PTAFR: variants seen among roughly 807,000 people sequenced by gnomAD.
PTAFR encodes the protein platelet activating factor receptor.
A neutral mutation model predicts 14.7 loss-of-function variants in PTAFR; 8 were observed. That is an observed-to-expected ratio of 0.54 (90% confidence interval 0.32 to 0.98). The LOEUF (loss-of-function observed/expected upper bound fraction) is 0.98, where lower values mean the gene tolerates loss of function less well. Ranked by LOEUF, PTAFR falls within the 50% of genes least tolerant of loss-of-function variation. The pLI is 0.04. For missense variants in PTAFR, 337 were observed against 451.2 expected (o/e 0.75, Z 2.29); for synonymous variants, 156 against 176.5 (o/e 0.88, Z 0.92).
intron 1 of PTAFR, among the ~76,000 whole-genome samples, chr1:28,185,496 T>C (rs913736791): frequency 6.6e-6 from 1 of 152,166 alleles, no homozygotes; most frequent in Non-Finnish European, 1.5e-5. Context: ...TGGAGGATAA[T>C]GGGGGTGAAA....
chr1:28,181,698 C>T (rs1209433370), intron 1 of PTAFR, among the ~76,000 whole-genome samples: 2 of 151,944 alleles, frequency 1.3e-5, no homozygotes, highest in Non-Finnish European at 2.9e-5. Flanking sequence ...GCCGAGATTG[C>T]ACCATTGCAC....
chr1:28,168,650 A>T (rs1245776326), intron 1 of PTAFR, among the ~76,000 whole-genome samples: 1 of 152,140 alleles, frequency 6.6e-6, no homozygotes, highest in Non-Finnish European at 1.5e-5. Flanking sequence ...AGTTTCAGTC[A>T]TGCAAGATGA....
chr1:28,159,814 G>A (rs1357368573), intron 1 of PTAFR, among the ~76,000 whole-genome samples: 17 of 147,394 alleles, frequency 1.2e-4, no homozygotes, highest in Non-Finnish European at 2.1e-4. Flanking sequence ...CAACGAGAAC[G>A]AAACTCCGTC....
intron 1 of PTAFR, among the ~76,000 whole-genome samples, chr1:28,162,388 CAG>C (rs1324242603): frequency 1.3e-5 from 2 of 152,160 alleles, no homozygotes; most frequent in Non-Finnish European, 2.9e-5. Flanking sequence ...ACTCCCCAGA[CAG>C]AGCAGCTGCC....
chr1:28,175,971 G>A (rs534411038), intron 1 of PTAFR, among the ~76,000 whole-genome samples: 1 of 152,038 alleles, frequency 6.6e-6, no homozygotes, highest in African/African-American at 2.4e-5. Flanking sequence ...GGTCTCTGGG[G>A]TCAGCACTGC....
At chr1:28,172,217 T>C (rs1488901403) in intron 1 of PTAFR, among the ~76,000 whole-genome samples, 3 of 152,202 alleles carry the variant, frequency 2.0e-5, no homozygotes, top group African/African-American at 7.2e-5. Flanking sequence ...GTTTTCACCA[T>C]GCTGGCCAGG....
At chr1:28,183,893 A>G (rs956190999) in intron 1 of PTAFR, among the ~76,000 whole-genome samples, 6 of 151,822 alleles carry the variant, frequency 4.0e-5, no homozygotes. Flanking sequence ...CTCCATCTCA[A>G]AACAAAACAA....
At chr1:28,189,975 T>A (rs1309703430) in intron 1 of PTAFR, among the ~76,000 whole-genome samples, 1 of 148,130 alleles carries the variant, frequency 6.8e-6, no homozygotes, top group Non-Finnish European at 1.5e-5. Context: ...CAAATAACAT[T>A]TATTTTTTTT....
chr1:28,186,318 C>G (rs1303033036), intron 1 of PTAFR, among the ~76,000 whole-genome samples: 5 of 150,590 alleles, frequency 3.3e-5, no homozygotes. Flanking sequence ...AAGGAAATTA[C>G]AAAAGTTATT....
intron 1 of PTAFR, among the ~76,000 whole-genome samples, chr1:28,183,237 A>G (rs1226122565): frequency 2.6e-5 from 4 of 152,164 alleles, no homozygotes; most frequent in Admixed American, 2.0e-4. Context: ...GCAGCCTAGA[A>G]AGCTCTGTTA....
At chr1:28,181,634 C>T (rs138612251), upstream of PTAFR, among the ~76,000 whole-genome samples, 3,266 of 151,928 alleles carry the variant, frequency 0.021, 133 homozygotes, top group African/African-American at 0.074. Flanking sequence ...CTCAGCTACT[C>T]GGGAGGCTGA....
rs571419528 is a variant in PTAFR at position 28,155,760 on chromosome 1, C to T, written c.-38-4701G>A. Among the ~76,000 whole-genome samples, 13 of 151,988 alleles carry T rather than the reference C, an allele frequency of 8.6e-5. No homozygotes were observed. The East Asian group carries it at 2.3e-3, about 27-fold the overall frequency. ...GTGCACTCCTGTAGTCCCAGCTACT[C>T]AGGAGGCCAAGGTGGAAGGATCAAT... On this transcript the variant is annotated intron_variant, in intron 1 of 1. Transcript: ENST00000373857.
chr1:28,154,893 G>A (rs1646246488), intron 1 of PTAFR, among the ~76,000 whole-genome samples: 1 of 151,814 alleles, frequency 6.6e-6, no homozygotes, highest in Admixed American at 6.6e-5. Flanking sequence ...TTAGAAAGGA[G>A]GTGACATTTC....
chr1:28,150,511 T>C lies in PTAFR; in HGVS notation c.511A>G (p.Thr171Ala). 1 of 1,614,060 alleles carries C rather than the reference T, an allele frequency of 6.2e-7. No individual in the cohort carries two copies. The highest frequency in any genetic ancestry group is 8.5e-7 in the Non-Finnish European group (1 of 1,179,994). ...VPDSAGSGNV[T>A]RCFEHYEKGS... ...TTCTCGTAATGCTCAAAGCAGCGAG[T>C]GACGTTGCCTGAGCCAGCACTGTCG... is the stretch of plus-strand genomic sequence containing the variant. Residue 171 changes from threonine (T) to alanine (A), a missense_variant, in exon 2 of 2, where the codon ACT (threonine) becomes GCT (alanine). By Grantham distance (58) the Thr-to-Ala change is moderately conservative. Coordinates refer to ENST00000373857, the MANE Select transcript of PTAFR (RefSeq NM_000952.5). The surrounding 1 kb of genome is among the most constrained non-coding windows in gnomAD (Gnocchi z 6.3).
intron 1 of PTAFR, among the ~76,000 whole-genome samples, chr1:28,161,407 C>CA (rs1197379414): frequency 1.3e-5 from 2 of 151,758 alleles, no homozygotes; most frequent in Non-Finnish European, 2.9e-5. Context: ...GGGAAACAGT[C>CA]AAAAATAAGT....
rs1191328446 is a variant in PTAFR at position 28,150,476 on chromosome 1, C to T, written c.546G>A (p.Val182=). The change falls in exon 2 of 2, where the codon GTG becomes GTA. Residue 182 remains valine (V), a synonymous_variant. Transcript: ENST00000373857. This position sits in a 1 kb window ranked among gnomAD's most constrained non-coding sequence, Gnocchi z 6.3. ...RCFEHYEKGS[V]PVLIIHIFIV... Reference sequence around the variant, plus strand: ...TGAAGATGTGGATGATGAGGACTGGCACGCTGCCCTTCTCGTAATGCTCAA... The same window carrying T: ...TGAAGATGTGGATGATGAGGACTGGTACGCTGCCCTTCTCGTAATGCTCAA... 6.2e-7 allele frequency: 1 copy of T among 1,614,194 alleles called. No homozygotes were observed. Among genetic ancestry groups the T allele is most frequent in the Non-Finnish European group, 8.5e-7 (1 of 1,180,024 alleles).
At chr1:28,157,054 G>A (rs1261328315) in intron 1 of PTAFR, among the ~76,000 whole-genome samples, 1 of 152,196 alleles carries the variant, frequency 6.6e-6, no homozygotes, top group Non-Finnish European at 1.5e-5. Flanking sequence ...CCAGGGCCAG[G>A]ACTAGAGTGA....
At chr1:28,155,526 T>C (rs1646254367) in intron 1 of PTAFR, among the ~76,000 whole-genome samples, 1 of 152,086 alleles carries the variant, frequency 6.6e-6, no homozygotes, top group Admixed American at 6.6e-5. Flanking sequence ...CACTTTCACC[T>C]GGCCAAGTGC....
At chr1:28,157,261 T>A (rs895319355) in intron 1 of PTAFR, among the ~76,000 whole-genome samples, 7 of 152,110 alleles carry the variant, frequency 4.6e-5, no homozygotes, top group African/African-American at 1.7e-4. Flanking sequence ...TACCTCAGCC[T>A]CCCAAGTAGC....
Sources: allele counts gnomAD v4.1 joint callset (sites outside exome capture counted in the v4.1 genomes callset), GRCh38; gene constraint gnomAD v4.1.1; non-coding constraint Gnocchi (gnomAD v3.1); transcripts MANE v1.5; gene names NCBI Gene and HGNC (gene_info 2026-07-23, HGNC 2026-07-21).